The following CDH12 variants were observed in gnomAD, a reference collection of about 807,000 sequenced individuals.
CDH12 encodes the protein cadherin-12.
In CDH12, 41 loss-of-function variants were observed where a neutral mutation model predicts 74.1. The observed-to-expected ratio is 0.55, with a 90% confidence interval of 0.43 to 0.72. The LOEUF (loss-of-function observed/expected upper bound fraction) is 0.72, where lower values mean the gene tolerates loss of function less well. Ranked by LOEUF, CDH12 falls within the 30% of genes least tolerant of loss-of-function variation. The pLI, the probability that CDH12 is intolerant of heterozygous loss-of-function variation, is 0.00. For synonymous variants in CDH12, 399 were observed against 355.0 expected, an observed-to-expected ratio of 1.12 and a Z score of -1.39; for missense variants, 945 against 977.2, an observed-to-expected ratio of 0.97 and a Z score of 0.44.
chr5:21,837,352 A>G (rs1199651201), intron 8 of CDH12, among the ~76,000 whole-genome samples: 1 of 152,110 alleles, frequency 6.6e-6, no homozygotes, highest in Non-Finnish European at 1.5e-5. Context: ...TTCCATCTCA[A>G]ATTAAGAGGT....
chr5:22,535,389 C>T (rs1056905763), intron 1 of CDH12, among the ~76,000 whole-genome samples: 1 of 152,008 alleles, frequency 6.6e-6, no homozygotes, highest in Non-Finnish European at 1.5e-5. Context: ...ATCTCCTGAC[C>T]TCGTGATCCG....
intron 5 of CDH12, among the ~76,000 whole-genome samples, chr5:22,049,284 A>T (rs917709549): frequency 6.6e-6 from 1 of 152,152 alleles, no homozygotes; most frequent in Non-Finnish European, 1.5e-5. Context: ...TGTAAAAATT[A>T]TTTCTATTGA....
Position 22,363,565 on chromosome 5 carries a change from A to G in CDH12, c.-333+41692T>C, listed in dbSNP as rs114507979. 8.6e-3 allele frequency among the ~76,000 whole-genome samples: 1,314 copies of G among 152,302 alleles called. 21 individuals carry two copies. Among genetic ancestry groups the G allele is most frequent in the African/African-American group, 0.03 (1,261 of 41,580 alleles). On this transcript the variant is annotated intron_variant, in intron 3 of 14. Coordinates refer to ENST00000382254, the MANE Select transcript of CDH12 (RefSeq NM_004061.5). Reference sequence around the variant, plus strand: ...TGATTGAAACTGTCTTCAAATATGTAAAATATTGATATTTAATAAGTTTTT... The same window carrying G: ...TGATTGAAACTGTCTTCAAATATGTGAAATATTGATATTTAATAAGTTTTT...
At chr5:21,903,803 G>A (rs1338734028) in intron 6 of CDH12, among the ~76,000 whole-genome samples, 1 of 151,938 alleles carries the variant, frequency 6.6e-6, no homozygotes, top group African/African-American at 2.4e-5. Flanking sequence ...AAGAAGGTAA[G>A]GTAAGAACAC....
intron 2 of CDH12, among the ~76,000 whole-genome samples, chr5:22,502,689 G>T (rs984555671): frequency 6.6e-6 from 1 of 151,282 alleles, no homozygotes; most frequent in Admixed American, 6.6e-5. Flanking sequence ...CTCCACATCA[G>T]GTTATTCTTC....
At chr5:22,204,682 C>T (rs1299142903) in intron 4 of CDH12, among the ~76,000 whole-genome samples, 1 of 152,192 alleles carries the variant, frequency 6.6e-6, no homozygotes, top group Non-Finnish European at 1.5e-5. Flanking sequence ...TTGTCATGTT[C>T]TATCAAACTA....
chr5:22,127,596 C>T (rs1745956918), intron 4 of CDH12, among the ~76,000 whole-genome samples: 1 of 151,996 alleles, frequency 6.6e-6, no homozygotes, highest in South Asian at 2.1e-4. Context: ...GAACATTAAC[C>T]AAAATCTTAT....
At chr5:22,539,365 G>A (rs1404796389) in intron 1 of CDH12, among the ~76,000 whole-genome samples, 1 of 152,130 alleles carries the variant, frequency 6.6e-6, no homozygotes, top group Non-Finnish European at 1.5e-5. Context: ...CACCAAGAAA[G>A]GTGTTAAGCA....
chr5:21,825,607 T>C (rs778617799), intron 8 of CDH12, among the ~76,000 whole-genome samples: 1 of 152,094 alleles, frequency 6.6e-6, no homozygotes, highest in Admixed American at 6.6e-5. Flanking sequence ...CTGTTACCCA[T>C]GCCTACTTAA....
At chr5:22,259,499 G>T (rs554620149) in intron 3 of CDH12, among the ~76,000 whole-genome samples, 1 of 151,950 alleles carries the variant, frequency 6.6e-6, no homozygotes, top group Non-Finnish European at 1.5e-5. Context: ...AGTAGCCATC[G>T]TTCTAATTAT....
At chr5:22,586,837 A>AC (rs1740427034) in intron 1 of CDH12, among the ~76,000 whole-genome samples, 1 of 105,450 alleles carries the variant, frequency 9.5e-6, no homozygotes, top group Non-Finnish European at 1.8e-5. Flanking sequence ...TTAGAGGAGG[A>AC]TTTTTTTTTT....
At chr5:21,761,481 G>A (rs1744714037) in intron 12 of CDH12, among the ~76,000 whole-genome samples, 1 of 152,094 alleles carries the variant, frequency 6.6e-6, no homozygotes, top group Non-Finnish European at 1.5e-5. Context: ...TGTGAGAGAT[G>A]ACAAGGGCAG....
At chr5:22,395,578 G>A (rs545448362) in intron 3 of CDH12, among the ~76,000 whole-genome samples, 18 of 152,090 alleles carry the variant, frequency 1.2e-4, no homozygotes, top group Admixed American at 9.8e-4. Flanking sequence ...TTTTTACAAA[G>A]TTTTGTATAC....
At chr5:21,981,054 G>T (rs1274437688) in intron 5 of CDH12, among the ~76,000 whole-genome samples, 12 of 151,964 alleles carry the variant, frequency 7.9e-5, no homozygotes, top group Non-Finnish European at 1.3e-4. Context: ...TTCTGTTTCA[G>T]TTCTTATAAA....
intron 3 of CDH12, among the ~76,000 whole-genome samples, chr5:22,360,601 C>G (rs1740758191): frequency 6.6e-6 from 1 of 152,094 alleles, no homozygotes; most frequent in African/African-American, 2.4e-5. Context: ...CATCCTGATA[C>G]CAAAGCCTGG....
At chr5:21,893,032 T>G (rs1034674917) in intron 6 of CDH12, among the ~76,000 whole-genome samples, 2 of 152,170 alleles carry the variant, frequency 1.3e-5, no homozygotes, top group African/African-American at 4.8e-5. Context: ...TTTGATCCCC[T>G]TTATCACCTT....
At chr5:22,798,492 T>A (rs1017666542) in intron 1 of CDH12, among the ~76,000 whole-genome samples, 2 of 152,068 alleles carry the variant, frequency 1.3e-5, no homozygotes, top group African/African-American at 4.8e-5. Context: ...TAAATATGTA[T>A]TTTTTCATTC....
rs564305527 is a variant in CDH12 at position 22,328,120 on chromosome 5, C to T, written c.-333+77137G>A. On this transcript the variant is annotated intron_variant, in intron 3 of 14. Transcript: ENST00000382254. ...TCACTAGAGCTTCTATCTATAAATC[C>T]TCCTGGGCCACCAAATGTAGAGGCT... Among the ~76,000 whole-genome samples the T allele has an allele frequency of 3.3e-5, 5 of 152,210 alleles. No individual in the cohort carries two copies. The South Asian group carries it at 1.0e-3, about 32-fold the overall frequency.
Position 22,670,779 on chromosome 5 carries a change from T to C in CDH12, c.-522-165415A>G, listed in dbSNP as rs537576362. ...TTTGCACTTTCCTCAGTAACGTAGGTGTTTGGTTCCTCCCATTTTTCATTT... is the reference window on the plus strand; with the variant it reads ...TTTGCACTTTCCTCAGTAACGTAGGCGTTTGGTTCCTCCCATTTTTCATTT... On this transcript the variant is annotated intron_variant, in intron 1 of 14. Transcript: ENST00000382254. Among the ~76,000 whole-genome samples the C allele has an allele frequency of 2.6e-5, 4 of 152,148 alleles. No individual in the cohort carries two copies. In the South Asian group the frequency reaches 8.3e-4, roughly 32 times the overall value.
Sources: allele counts gnomAD v4.1 joint callset (sites outside exome capture counted in the v4.1 genomes callset), GRCh38; gene constraint gnomAD v4.1.1; transcripts MANE v1.5; gene names NCBI Gene and HGNC (gene_info 2026-07-23, HGNC 2026-07-21).